VEPH1: variants seen among roughly 807,000 people sequenced by gnomAD.
VEPH1 encodes ventricular zone-expressed PH domain-containing protein homolog 1.
Under a neutral mutation model 85.2 loss-of-function variants are expected in VEPH1, and 80 were observed. The observed-to-expected ratio is 0.94, with a 90% CI of 0.78 to 1.13. The LOEUF is 1.13. Ranked by LOEUF, VEPH1 falls within the 50% of genes most tolerant of loss-of-function variation. The pLI is 0.00. For synonymous variants in VEPH1, 297 were observed against 348.0 expected (o/e 0.85, Z 1.63); for missense variants, 955 against 980.5 (o/e 0.97, Z 0.35).
intron 9 of VEPH1, among the ~76,000 whole-genome samples, chr3:157,333,214 G>T (rs1349398863): frequency 6.6e-6 from 1 of 152,132 alleles, no homozygotes; most frequent in Non-Finnish European, 1.5e-5. Flanking sequence ...GTTCTCCAGT[G>T]AATTTTTGGT....
intron 4 of VEPH1, chr3:157,437,742 G>A (rs1733737374): frequency 1.3e-6 from 2 of 1,496,776 alleles, no homozygotes; most frequent in South Asian, 1.3e-5. Context: ...TGGACGAGCT[G>A]CTGCAGGCGA....
chr3:157,334,674 T>C (rs1181382313), intron 9 of VEPH1, among the ~76,000 whole-genome samples: 1 of 152,220 alleles, frequency 6.6e-6, no homozygotes, highest in African/African-American at 2.4e-5. Context: ...GTCAGAAGTA[T>C]ATGAATATTT....
At chr3:157,447,597 T>TC (rs1734647828) in intron 4 of VEPH1, among the ~76,000 whole-genome samples, 1 of 149,462 alleles carries the variant, frequency 6.7e-6, no homozygotes, top group Non-Finnish European at 1.5e-5. Flanking sequence ...TTCCAATCTT[T>TC]TTTTTTTTTT....
intron 4 of VEPH1, among the ~76,000 whole-genome samples, chr3:157,448,156 C>T (rs757080488): frequency 3.3e-5 from 5 of 151,946 alleles, no homozygotes; most frequent in Non-Finnish European, 7.4e-5. Flanking sequence ...GACTGCTCAC[C>T]AAGCAATGGT....
intron 9 of VEPH1, among the ~76,000 whole-genome samples, chr3:157,318,200 A>G (rs1720952875): frequency 6.6e-6 from 1 of 152,218 alleles, no homozygotes; most frequent in Admixed American, 6.5e-5. Context: ...ACCATGTTGG[A>G]ATGTTTTAGG....
chr3:157,354,152 A>G (rs965643229), intron 9 of VEPH1, among the ~76,000 whole-genome samples: 1 of 151,928 alleles, frequency 6.6e-6, no homozygotes, highest in Non-Finnish European at 1.5e-5. Context: ...CAGTGGGGGA[A>G]GTTGTGTGTG....
At chr3:157,275,947 C>T (rs982696630) in intron 12 of VEPH1, among the ~76,000 whole-genome samples, 13 of 151,980 alleles carry the variant, frequency 8.6e-5, no homozygotes, top group East Asian at 1.9e-4. Context: ...ATGAAGGGGT[C>T]GTAGGAGCCA....
chr3:157,342,135 A>C (rs1723638637), intron 9 of VEPH1, among the ~76,000 whole-genome samples: 1 of 152,230 alleles, frequency 6.6e-6, no homozygotes, highest in Non-Finnish European at 1.5e-5. Flanking sequence ...CAAAATAACC[A>C]GCTAACATCA....
chr3:157,423,922 T>C (rs1310249590), intron 5 of VEPH1, among the ~76,000 whole-genome samples: 1 of 152,208 alleles, frequency 6.6e-6, no homozygotes, highest in Admixed American at 6.5e-5. Context: ...GATTTTTTTT[T>C]CAAGTGGTGG....
chr3:157,417,750 G>A lies in VEPH1; in HGVS notation c.697-3660C>T, dbSNP rs567119331. Among the ~76,000 whole-genome samples, 6 of 152,174 alleles carry A rather than the reference G, an allele frequency of 3.9e-5. No individual in the cohort carries two copies. In the East Asian group the frequency reaches 1.2e-3, roughly 29 times the overall value. On this transcript the variant is annotated intron_variant, in intron 5 of 13. Transcript: ENST00000362010. ...TTCCAGCCCACCATAACAAATGCAG[G>A]ACCTGACACTAGGGTACAAGCAGAG...
intron 9 of VEPH1, among the ~76,000 whole-genome samples, chr3:157,327,705 T>C (rs1722062118): frequency 1.3e-5 from 2 of 152,196 alleles, no homozygotes; most frequent in Non-Finnish European, 2.9e-5. Flanking sequence ...CAGTGGTATG[T>C]AGTGTCCCTT....
At chr3:157,485,755 C>T (rs1223164515) in intron 2 of VEPH1, among the ~76,000 whole-genome samples, 1 of 151,940 alleles carries the variant, frequency 6.6e-6, no homozygotes, top group Non-Finnish European at 1.5e-5. Flanking sequence ...ACTTATATAA[C>T]ATTTACAAAT....
At chr3:157,346,492 G>C (rs1330611488) in intron 9 of VEPH1, among the ~76,000 whole-genome samples, 1 of 152,110 alleles carries the variant, frequency 6.6e-6, no homozygotes, top group African/African-American at 2.4e-5. Context: ...ACCCACTAAG[G>C]AATTTTAATT....
At chr3:157,376,306 A>G (rs185278321) in intron 7 of VEPH1, among the ~76,000 whole-genome samples, 30 of 152,150 alleles carry the variant, frequency 2.0e-4, no homozygotes, top group Admixed American at 1.7e-3. Context: ...CGCCACATTC[A>G]TTTGGCAAAG....
At chr3:157,272,240 T>TCTTCCTTCCTTCCTTC (rs59176910) in intron 12 of VEPH1, among the ~76,000 whole-genome samples, 31 of 137,312 alleles carry the variant, frequency 2.3e-4, no homozygotes, top group African/African-American at 7.2e-4. Flanking sequence ...TCTCTTTTCT[T>TCTTCCTTCCTTCCTTC]CTTCCTTCCT....
chr3:157,418,379 T>C (rs558695917), intron 5 of VEPH1, among the ~76,000 whole-genome samples: 1 of 152,200 alleles, frequency 6.6e-6, no homozygotes, highest in South Asian at 2.1e-4. Context: ...CCAGACCATG[T>C]GCACCTTGAG....
At chr3:157,493,244 G>A (rs1223911015) in intron 2 of VEPH1, 1 of 456,304 alleles carries the variant, frequency 2.2e-6, no homozygotes, top group Non-Finnish European at 4.4e-6. Context: ...AATCTTCTGT[G>A]CTGGAAGTTG....
intron 6 of VEPH1, among the ~76,000 whole-genome samples, chr3:157,407,827 C>T (rs541896220): frequency 6.6e-6 from 1 of 152,254 alleles, no homozygotes; most frequent in African/African-American, 2.4e-5. Context: ...TTGCTAAATA[C>T]TGTTCCACAT....
At chr3:157,285,992 TGACTTG>T (rs1425310832) in intron 12 of VEPH1, among the ~76,000 whole-genome samples, 2 of 152,234 alleles carry the variant, frequency 1.3e-5, no homozygotes, top group African/African-American at 4.8e-5. Flanking sequence ...GCACAGGGCA[TGACTTG>T]TATTTGCTAA....
Sources: allele counts gnomAD v4.1 joint callset (sites outside exome capture counted in the v4.1 genomes callset), GRCh38; gene constraint gnomAD v4.1.1; transcripts MANE v1.5; gene names NCBI Gene and HGNC (gene_info 2026-07-23, HGNC 2026-07-21).